ADD3: variants seen among roughly 807,000 people sequenced by gnomAD.
ADD3 encodes gamma-adducin.
A neutral mutation model predicts 80.2 loss-of-function variants in ADD3; 25 were observed. The ratio of observed to expected loss-of-function variants is 0.31; its 90% confidence interval spans 0.23 to 0.44. The LOEUF (loss-of-function observed/expected upper bound fraction) is 0.44, where lower values mean the gene tolerates loss of function less well. Ranked by LOEUF, ADD3 falls within the 20% of genes least tolerant of loss-of-function variation. The pLI is 1.00. For missense variants in ADD3, 829 were observed against 847.5 expected (o/e 0.98, Z 0.27); for synonymous variants, 284 against 289.6 (o/e 0.98, Z 0.20).
chr10:110,111,169 C>A (rs1849961220), intron 2 of ADD3, among the ~76,000 whole-genome samples: 1 of 152,166 alleles, frequency 6.6e-6, no homozygotes, highest in Non-Finnish European at 1.5e-5. Flanking sequence ...CATACCTACC[C>A]TTCTTGGAGG....
chr10:110,119,397 T>C lies in ADD3; in HGVS notation c.861+43T>C, dbSNP rs761016545. ...TCTAAGGAGCTATTTTTGTTGCTGC[T>C]GCTGTTGATGAAAACAGTGTGAGCT... On this transcript the variant is annotated intron_variant, in intron 7 of 14. Transcript: ENST00000356080. 6 of 1,613,066 alleles carry C rather than the reference T, an allele frequency of 3.7e-6. No individual in the cohort carries two copies. The African/African-American group carries it at 8.0e-5, about 22-fold the overall frequency.
chr10:110,032,559 T>C (rs1195436353), intron 1 of ADD3, among the ~76,000 whole-genome samples: 1 of 152,210 alleles, frequency 6.6e-6, no homozygotes, highest in Non-Finnish European at 1.5e-5. Flanking sequence ...GTATTTATAA[T>C]ACTAAGAGCT....
chr10:110,035,951 G>A (rs1855588066), intron 1 of ADD3, among the ~76,000 whole-genome samples: 2 of 152,064 alleles, frequency 1.3e-5, no homozygotes, highest in Admixed American at 1.3e-4. Flanking sequence ...AGGAGTTCGA[G>A]ACCAGCCTGG....
At chr10:110,020,695 ACTT>A (rs1244491630) in intron 1 of ADD3, among the ~76,000 whole-genome samples, 1 of 151,770 alleles carries the variant, frequency 6.6e-6, no homozygotes, top group African/African-American at 2.4e-5. Context: ...CAGGGAAACT[ACTT>A]AGGAGGTCAA....
chr10:109,997,818 A>G (rs1399885807), intron 1 of ADD3, among the ~76,000 whole-genome samples: 1 of 152,240 alleles, frequency 6.6e-6, no homozygotes, highest in Non-Finnish European at 1.5e-5. Context: ...CTAAATGTGC[A>G]GCTTCCAGAG....
chr10:110,065,384 C>G (rs549783999), intron 1 of ADD3, among the ~76,000 whole-genome samples: 3 of 151,824 alleles, frequency 2.0e-5, no homozygotes, highest in East Asian at 1.9e-4. Flanking sequence ...CAAAAAGTCT[C>G]TAGCCATGAT....
In ADD3 at chr10:110,008,063, T is replaced by A. The variant is rs963561411; in HGVS notation, c.-266T>A. On this transcript the variant is annotated 5_prime_UTR_variant, in exon 1 of 15. Coordinates refer to ENST00000356080, the MANE Select transcript of ADD3 (RefSeq NM_016824.5). The stretch of plus-strand genomic sequence containing the variant: ...GAAGAGGGGTTTAAATTAGATTTTT[T>A]AAAACACAGAGCAAGCGCCAGAGGC... The A allele has an allele frequency of 1.3e-5, 2 of 152,086 alleles. No homozygotes were observed. Among genetic ancestry groups the A allele is most frequent in the Non-Finnish European group, 1.5e-5 (1 of 68,020 alleles). The allele number at this position is 152,086 out of a possible 1,614,324, so 9.4% of individuals were successfully genotyped here.
intron 1 of ADD3, among the ~76,000 whole-genome samples, chr10:110,089,352 C>G (rs1847191804): frequency 6.6e-6 from 1 of 151,994 alleles, no homozygotes; most frequent in Non-Finnish European, 1.5e-5. Context: ...TCCTGGATCT[C>G]AATTTTAAAA....
chr10:110,094,037 G>A (rs1449364110), intron 1 of ADD3, among the ~76,000 whole-genome samples: 1 of 151,944 alleles, frequency 6.6e-6, no homozygotes, highest in East Asian at 1.9e-4. Flanking sequence ...TTGTCCCTTT[G>A]GTATTTAGGT....
intron 1 of ADD3, among the ~76,000 whole-genome samples, chr10:110,053,239 C>T (rs1857734917): frequency 6.6e-6 from 1 of 151,936 alleles, no homozygotes; most frequent in South Asian, 2.1e-4. Flanking sequence ...CTGTTGGATT[C>T]ACTTTCAAGT....
chr10:110,002,648 TTTC>T (rs1265866162), upstream of ADD3, among the ~76,000 whole-genome samples: 1 of 152,084 alleles, frequency 6.6e-6, no homozygotes, highest in Non-Finnish European at 1.5e-5. Flanking sequence ...CCACTAGGAG[TTTC>T]TTATTTGTAG....
intron 1 of ADD3, among the ~76,000 whole-genome samples, chr10:110,024,039 G>A (rs1564852178): frequency 6.6e-6 from 1 of 152,226 alleles, no homozygotes; most frequent in East Asian, 1.9e-4. Flanking sequence ...GAGGGGATAA[G>A]GGCTGAAAAA....
At chr10:110,119,396 C>A in intron 7 of ADD3, 42 bp downstream of exon 7, 1 of 1,612,912 alleles carries the variant, frequency 6.2e-7, no homozygotes, top group Non-Finnish European at 8.5e-7. Context: ...TTTGTTGCTG[C>A]TGCTGTTGAT....
At chr10:110,124,839 C>T (rs1011133006) in intron 10 of ADD3, among the ~76,000 whole-genome samples, 2 of 152,182 alleles carry the variant, frequency 1.3e-5, no homozygotes, top group African/African-American at 4.8e-5. Flanking sequence ...TTCTCTAGGT[C>T]AGTCTTGTCC....
At chr10:110,012,628 CTT>C (rs1189647832) in intron 1 of ADD3, among the ~76,000 whole-genome samples, 1 of 152,152 alleles carries the variant, frequency 6.6e-6, no homozygotes, top group Non-Finnish European at 1.5e-5. Flanking sequence ...TGAAACCTCT[CTT>C]TGATTTTAAA....
In ADD3 at chr10:110,133,650, A is replaced by G. The variant is rs377707374; in HGVS notation, c.*32A>G. ...TCTTTTTATAATTATTATTATAACA[A>G]TGTGACATTGCACATCTAAATACCA... is the stretch of plus-strand genomic sequence containing the variant. On this transcript the variant is annotated 3_prime_UTR_variant, in exon 15 of 15. Transcript: ENST00000356080. 2.9e-4 allele frequency: 436 copies of G among 1,490,638 alleles called. No homozygotes were observed. Among genetic ancestry groups the G allele is most frequent in the Non-Finnish European group, 3.5e-4 (390 of 1,114,062 alleles). 92.3% of individuals were successfully genotyped at this position (1,490,638 alleles called of 1,614,324 possible).
At chr10:110,022,519 A>G (rs1221708327) in intron 1 of ADD3, among the ~76,000 whole-genome samples, 3 of 152,160 alleles carry the variant, frequency 2.0e-5, no homozygotes, top group African/African-American at 4.8e-5. Context: ...TCAAATATAT[A>G]TATTTATGTA....
At chr10:110,113,457 C>T (rs565386427) in intron 3 of ADD3, among the ~76,000 whole-genome samples, 2 of 151,976 alleles carry the variant, frequency 1.3e-5, no homozygotes, top group African/African-American at 4.8e-5. Context: ...TTAGTAGAGA[C>T]GGGGTTTCAC....
At chr10:110,130,950 A>G (rs1476346512) in intron 13 of ADD3, among the ~76,000 whole-genome samples, 2 of 152,168 alleles carry the variant, frequency 1.3e-5, no homozygotes, top group Non-Finnish European at 2.9e-5. Context: ...ATGAGTAAAG[A>G]ATTACTAGCC....
Sources: gnomAD v4.1 joint callset for allele counts (sites outside exome capture counted in the v4.1 genomes callset) on GRCh38, gnomAD v4.1.1 for gene constraint, MANE v1.5 for transcripts, NCBI Gene and HGNC (gene_info 2026-07-23, HGNC 2026-07-21) for gene names.